SLC30A9: variants seen among roughly 807,000 people sequenced by gnomAD.
The protein encoded by SLC30A9 is proton-coupled zinc antiporter SLC30A9, mitochondrial.
Under a neutral mutation model 87.5 loss-of-function variants are expected in SLC30A9, and 58 were observed. That is an observed-to-expected ratio of 0.66 (90% CI 0.54 to 0.82). The LOEUF is 0.82. SLC30A9 is among the 40% of genes least tolerant of loss of function. The probability of loss-of-function intolerance (pLI) is 0.00; values close to 1 mark genes in which losing one functional copy is unlikely to be tolerated. For synonymous variants in SLC30A9, 234 were observed against 233.0 expected, an observed-to-expected ratio of 1.00 and a Z score of -0.04; for missense variants, 557 against 679.1, an observed-to-expected ratio of 0.82 and a Z score of 2.00.
intron 15 of SLC30A9, among the ~76,000 whole-genome samples, chr4:42,071,457 G>T (rs1465366115): frequency 1.3e-5 from 2 of 151,968 alleles, no homozygotes; most frequent in Admixed American, 1.3e-4. Context: ...TATATTCTAT[G>T]CCCTATATGT....
intron 1 of SLC30A9, among the ~76,000 whole-genome samples, chr4:41,994,375 C>T (rs1260129868): frequency 6.6e-6 from 1 of 151,402 alleles, no homozygotes; most frequent in Non-Finnish European, 1.5e-5. Flanking sequence ...TAAGTATATC[C>T]TTTTTTATAA....
At chr4:42,001,418 A>AT (rs987344575) in intron 1 of SLC30A9, among the ~76,000 whole-genome samples, 198 bp from the exon 2 acceptor site, 5 of 152,072 alleles carry the variant, frequency 3.3e-5, no homozygotes, top group Admixed American at 2.0e-4. Context: ...ATTTTATTTG[A>AT]TTTTTTATAT....
chr4:42,077,456 G>A (rs1265232259), intron 16 of SLC30A9, among the ~76,000 whole-genome samples: 1 of 152,044 alleles, frequency 6.6e-6, no homozygotes, highest in East Asian at 1.9e-4. Context: ...CCAGGCTGGA[G>A]TGCAGTGGCG....
chr4:41,992,628 C>T (rs2660346), intron 1 of SLC30A9, among the ~76,000 whole-genome samples: 104,774 of 152,078 alleles, frequency 0.69, 39,965 homozygotes, highest in East Asian at 0.96. Flanking sequence ...TTATTACCTA[C>T]CTTAGTGGTC....
intron 6 of SLC30A9, chr4:42,029,678 G>T (rs2035775926): frequency 4.0e-6 from 3 of 753,166 alleles, no homozygotes; most frequent in Admixed American, 1.8e-5. Flanking sequence ...AGCTTGAGTG[G>T]CTGGGAAATT....
intron 2 of SLC30A9, among the ~76,000 whole-genome samples, chr4:42,017,550 T>TTACCTG (rs1446568030): frequency 2.0e-5 from 3 of 152,104 alleles, no homozygotes; most frequent in African/African-American, 7.2e-5. Context: ...ATTTAAATAA[T>TTACCTG]TAATTAATCT....
chr4:42,021,814 A>G (rs1230379010), intron 4 of SLC30A9, among the ~76,000 whole-genome samples: 3 of 151,982 alleles, frequency 2.0e-5, no homozygotes, highest in African/African-American at 4.8e-5. Flanking sequence ...CAGTGGCACA[A>G]TCATGGCTTA....
intron 6 of SLC30A9, among the ~76,000 whole-genome samples, chr4:42,027,741 A>G (rs1716256611): frequency 1.3e-5 from 2 of 151,906 alleles, no homozygotes; most frequent in Non-Finnish European, 2.9e-5. Context: ...TTACAGCAGA[A>G]TTTGTTCACA....
chr4:42,075,032 TATA>T, intron 15 of SLC30A9, among the ~76,000 whole-genome samples: 1 of 6,256 alleles, frequency 1.6e-4, no homozygotes, highest in Non-Finnish European at 3.3e-4. Flanking sequence ...TATATATATA[TATA>T]TATATATATA....
chr4:42,006,548 A>G (rs1715210260), intron 2 of SLC30A9, among the ~76,000 whole-genome samples: 1 of 152,136 alleles, frequency 6.6e-6, no homozygotes, highest in African/African-American at 2.4e-5. Context: ...TTAGCTGGGC[A>G]TAGTGGTGTG....
In SLC30A9 at chr4:42,087,897, T is replaced by C. The variant is rs1294522075; in HGVS notation, c.*1771T>C. On this transcript the variant is annotated 3_prime_UTR_variant, in exon 18 of 18. Coordinates refer to ENST00000264451, the MANE Select transcript of SLC30A9 (RefSeq NM_006345.4). The stretch of plus-strand genomic sequence containing the variant: ...CAGTTTCCTCCTAGTGATATTACTC[T>C]GAAAAATTTCACAAAGCCAGACAAG... 6.6e-6 allele frequency: 1 copy of C among 151,962 alleles called. No individual in the cohort carries two copies. The highest frequency in any genetic ancestry group is 6.6e-5 in the Admixed American group (1 of 15,252). The allele number at this position is 151,962 out of a possible 1,614,324, so 9.4% of individuals were successfully genotyped here.
chr4:42,083,029 A>G (rs1718798192), intron 17 of SLC30A9, among the ~76,000 whole-genome samples: 2 of 152,120 alleles, frequency 1.3e-5, no homozygotes, highest in South Asian at 4.1e-4. Flanking sequence ...TTATCTCTGT[A>G]TTTCAGAGTA....
intron 16 of SLC30A9, 134 bp from the exon 17 acceptor site, chr4:42,078,078 C>G: frequency 1.9e-6 from 1 of 535,270 alleles, no homozygotes; most frequent in Non-Finnish European, 3.3e-6. Context: ...AATCCATTGC[C>G]TGTGGCTTAA....
intron 6 of SLC30A9, chr4:42,029,785 C>T: frequency 1.4e-6 from 1 of 733,088 alleles, no homozygotes; most frequent in Admixed American, 1.8e-5. Context: ...CCTAAGTCTC[C>T]CGAGAATGAG....
At chr4:42,044,854 A>G (rs1487417540) in intron 8 of SLC30A9, among the ~76,000 whole-genome samples, 1 of 151,776 alleles carries the variant, frequency 6.6e-6, no homozygotes, top group Non-Finnish European at 1.5e-5. Context: ...ACAGAAATCA[A>G]AACAGTCTCT....
At chr4:42,084,027 G>A (rs1272376545) in intron 17 of SLC30A9, among the ~76,000 whole-genome samples, 3 of 152,128 alleles carry the variant, frequency 2.0e-5, no homozygotes, top group Non-Finnish European at 4.4e-5. Flanking sequence ...TTTATAACTG[G>A]ATGCCTTTAA....
chr4:42,070,763 A>C, intron 15 of SLC30A9, 72 bp downstream of exon 15: 1 of 1,299,456 alleles, frequency 7.7e-7, no homozygotes, highest in Non-Finnish European at 1.0e-6. Context: ...CTGGTTTGTA[A>C]ATACTTCCAG....
chr4:42,031,522 A>G (rs964848853), intron 6 of SLC30A9, among the ~76,000 whole-genome samples: 46 of 152,242 alleles, frequency 3.0e-4, no homozygotes, highest in African/African-American at 1.1e-3. Context: ...CAATGAATAT[A>G]GTTATTTAAA....
intron 2 of SLC30A9, among the ~76,000 whole-genome samples, chr4:42,017,324 T>A (rs1317907259): frequency 6.6e-6 from 1 of 151,966 alleles, no homozygotes; most frequent in East Asian, 1.9e-4. Flanking sequence ...TTTTGTTGAT[T>A]CTATTTGTTG....
Sources: allele counts gnomAD v4.1 joint callset (sites outside exome capture counted in the v4.1 genomes callset), GRCh38; gene constraint gnomAD v4.1.1; transcripts MANE v1.5; gene names NCBI Gene and HGNC (gene_info 2026-07-23, HGNC 2026-07-21).